Variants in DTNB observed in about 807,000 individuals in gnomAD.
DTNB encodes DTN-B.
DTNB carries 63 observed loss-of-function variants against 90.7 expected under a neutral mutation model. The observed-to-expected ratio is 0.69, with a 90% CI of 0.57 to 0.86. The LOEUF is 0.86. Among genes scored for constraint, DTNB ranks in the 40% least tolerant of loss-of-function variants. The pLI, the probability that DTNB is intolerant of heterozygous loss-of-function variation, is 0.00. For synonymous variants in DTNB, 277 were observed against 286.7 expected, an observed-to-expected ratio of 0.97 and a Z score of 0.34; for missense variants, 744 against 807.1, an observed-to-expected ratio of 0.92 and a Z score of 0.95.
At chr2:25,616,399 G>A (rs2070521790) in intron 4 of DTNB, among the ~76,000 whole-genome samples, 1 of 151,948 alleles carries the variant, frequency 6.6e-6, no homozygotes, top group Admixed American at 6.6e-5. Context: ...ACAACACTTT[G>A]CATCCTTATT....
In DTNB at chr2:25,383,873, C is replaced by T; in HGVS notation, c.1842G>A (p.Glu614=). The T allele has an allele frequency of 6.2e-7, 1 of 1,614,040 alleles. No homozygotes were observed. The highest frequency in any genetic ancestry group is 8.5e-7 in the Non-Finnish European group (1 of 1,179,894). Residue 614 remains glutamate (E), a synonymous_variant, in exon 19 of 21, where the codon GAG becomes GAA. Coordinates refer to ENST00000406818, the MANE Select transcript of DTNB (RefSeq NM_021907.5). ...KELHSAEEGA[E]EEEEKMQNGK... Reference sequence around the variant, plus strand: ...CATTCTGCATCTTCTCTTCTTCTTCCTCTGCACCTTCCTCTGCTGTGAAAA... The same window carrying T: ...CATTCTGCATCTTCTCTTCTTCTTCTTCTGCACCTTCCTCTGCTGTGAAAA...
chr2:25,583,511 T>G (rs948906004), intron 6 of DTNB, among the ~76,000 whole-genome samples: 7 of 150,552 alleles, frequency 4.6e-5, no homozygotes, highest in South Asian at 2.1e-4. Context: ...GTTTTTGTGT[T>G]TTTTTTTTGT....
At chr2:25,526,899 G>A (rs896605251) in intron 9 of DTNB, among the ~76,000 whole-genome samples, 34 of 152,038 alleles carry the variant, frequency 2.2e-4, no homozygotes, top group Non-Finnish European at 7.4e-5. Context: ...TCATAGTAAT[G>A]ATGTTAATAA....
chr2:25,632,881 C>T (rs1467418118), intron 3 of DTNB, among the ~76,000 whole-genome samples: 2 of 152,138 alleles, frequency 1.3e-5, no homozygotes, highest in South Asian at 2.1e-4. Flanking sequence ...AAAGGTTTTG[C>T]TCTGATAATG....
At chr2:25,614,022 C>T (rs573258077) in intron 4 of DTNB, among the ~76,000 whole-genome samples, 1 of 152,212 alleles carries the variant, frequency 6.6e-6, no homozygotes, top group East Asian at 1.9e-4. Context: ...GAATATAAGG[C>T]TATTTTGACA....
At chr2:25,428,056 G>T in intron 14 of DTNB, 2 of 153,538 alleles carry the variant, frequency 1.3e-5, no homozygotes, top group Non-Finnish European at 2.9e-5. Flanking sequence ...TGACAGATCA[G>T]GACGGCTCCC....
intron 16 of DTNB, among the ~76,000 whole-genome samples, chr2:25,396,125 G>A (rs1223652729): frequency 6.6e-6 from 1 of 152,148 alleles, no homozygotes; most frequent in Non-Finnish European, 1.5e-5. Flanking sequence ...ACAGCAACCT[G>A]GATGGAACTG....
chr2:25,651,514 T>C (rs1559390371), intron 2 of DTNB, among the ~76,000 whole-genome samples: 1 of 152,196 alleles, frequency 6.6e-6, no homozygotes. Flanking sequence ...TACTAGCCAT[T>C]AGAAGCTCCG....
intron 5 of DTNB, among the ~76,000 whole-genome samples, chr2:25,604,764 A>C (rs1455947644): frequency 2.6e-5 from 4 of 151,884 alleles, no homozygotes; most frequent in African/African-American, 9.7e-5. Context: ...TAATTTTTGT[A>C]TTTTTAGTAG....
At chr2:25,521,120 G>A (rs1445542716) in intron 9 of DTNB, among the ~76,000 whole-genome samples, 4 of 152,142 alleles carry the variant, frequency 2.6e-5, no homozygotes, top group East Asian at 1.9e-4. Context: ...TCACCGCTGC[G>A]TGAAAAAACA....
chr2:25,636,752 CCTTT>C (rs1269081383), intron 3 of DTNB, among the ~76,000 whole-genome samples: 3 of 152,012 alleles, frequency 2.0e-5, no homozygotes, highest in Non-Finnish European at 2.9e-5. Flanking sequence ...TATTTTTCTT[CCTTT>C]TTTTTCCTAT....
At chr2:25,383,178 C>T (rs968586320) in intron 19 of DTNB, among the ~76,000 whole-genome samples, 2 of 100,944 alleles carry the variant, frequency 2.0e-5, no homozygotes, top group Admixed American at 8.5e-5. Flanking sequence ...CTTTTTCTGC[C>T]ACTTCATTTG....
chr2:25,506,856 A>C (rs2072574907), intron 9 of DTNB, among the ~76,000 whole-genome samples: 1 of 152,194 alleles, frequency 6.6e-6, no homozygotes, highest in South Asian at 2.1e-4. Flanking sequence ...GCCCTAAAAG[A>C]AATCTCAACT....
chr2:25,640,733 G>A (rs142904789), intron 2 of DTNB, among the ~76,000 whole-genome samples: 239 of 152,176 alleles, frequency 1.6e-3, no homozygotes, highest in Non-Finnish European at 2.8e-3. Flanking sequence ...TTGGCCAGGC[G>A]CGGTGGCTCA....
intron 10 of DTNB, among the ~76,000 whole-genome samples, chr2:25,461,112 C>T (rs2060875494): frequency 6.6e-6 from 1 of 152,212 alleles, no homozygotes. Flanking sequence ...CCATGTTGGC[C>T]AGGCTGGTCT....
chr2:25,526,395 A>ATATATATATATTT, intron 9 of DTNB, among the ~76,000 whole-genome samples: 75 of 49,814 alleles, frequency 1.5e-3, no homozygotes, highest in East Asian at 7.7e-3. Context: ...ATATATATAT[A>ATATATATATATTT]TTTTTTTTTT....
intron 16 of DTNB, among the ~76,000 whole-genome samples, chr2:25,413,988 G>A (rs990658871): frequency 6.6e-6 from 1 of 152,044 alleles, no homozygotes; most frequent in Non-Finnish European, 1.5e-5. Flanking sequence ...GGTGTGAGAT[G>A]GTATCTCATT....
intron 10 of DTNB, among the ~76,000 whole-genome samples, chr2:25,475,653 A>C (rs954467914): frequency 6.6e-6 from 1 of 152,242 alleles, no homozygotes; most frequent in African/African-American, 2.4e-5. Flanking sequence ...GGGCTTTCAT[A>C]GCTAGAGAGA....
intron 12 of DTNB, among the ~76,000 whole-genome samples, chr2:25,436,713 T>C (rs2055906496): frequency 1.3e-5 from 2 of 152,124 alleles, no homozygotes; most frequent in Non-Finnish European, 2.9e-5. Context: ...ATTTTCTATA[T>C]TGTAGTCAGT....
Sources: gnomAD v4.1 joint callset for allele counts (sites outside exome capture counted in the v4.1 genomes callset) on GRCh38, gnomAD v4.1.1 for gene constraint, MANE v1.5 for transcripts, NCBI Gene and HGNC (gene_info 2026-07-23, HGNC 2026-07-21) for gene names.